Variants in ANKRD11 observed in about 807,000 individuals in gnomAD.
The protein encoded by ANKRD11 is ankyrin repeat domain-containing protein 11.
Under a neutral mutation model 195.7 loss-of-function variants are expected in ANKRD11, and 17 were observed. The ratio of observed to expected loss-of-function variants is 0.09; its 90% confidence interval spans 0.06 to 0.13. The LOEUF is 0.13. Ranked by LOEUF, ANKRD11 falls within the 10% of genes least tolerant of loss-of-function variation. The pLI is 1.00. For missense variants in ANKRD11, 3,735 were observed against 3,566.1 expected (o/e 1.05, Z -1.21); for synonymous variants, 1,953 against 1,528.1 (o/e 1.28, Z -6.49).
At chr16:89,452,594 T>C (rs2044128539) in intron 1 of ANKRD11, among the ~76,000 whole-genome samples, 3 of 151,796 alleles carry the variant, frequency 2.0e-5, no homozygotes, top group South Asian at 4.2e-4. Context: ...CTGGCCAACA[T>C]GGTGAAACCT....
At chr16:89,293,597 TG>T (rs2035215667) in intron 4 of ANKRD11, among the ~76,000 whole-genome samples, 1 of 108,354 alleles carries the variant, frequency 9.2e-6, no homozygotes, top group South Asian at 3.3e-4. Context: ...GGGGCAGAGT[TG>T]GGGCTGCGGA....
chr16:89,441,107 G>A (rs2043440651), intron 1 of ANKRD11, among the ~76,000 whole-genome samples: 1 of 151,582 alleles, frequency 6.6e-6, no homozygotes, highest in Non-Finnish European at 1.5e-5. Flanking sequence ...GTGGTGGTGG[G>A]CGCCTGTAGT....
At chr16:89,378,705 G>A (rs1055343730) in intron 2 of ANKRD11, among the ~76,000 whole-genome samples, 5 of 152,160 alleles carry the variant, frequency 3.3e-5, no homozygotes, top group East Asian at 1.9e-4. Flanking sequence ...TCAGCCTCCC[G>A]AGTAGCTGGG....
In ANKRD11 at chr16:89,288,514, G is replaced by A. The variant is rs371672819; in HGVS notation, c.744+14C>T. 2.2e-5 allele frequency: 35 copies of A among 1,613,918 alleles called. No homozygotes were observed. Among genetic ancestry groups the A allele is most frequent in the South Asian group, 6.6e-5 (6 of 91,078 alleles). The stretch of plus-strand genomic sequence containing the variant: ...AGGACAGGCCGGATGTGTGAAGAAC[G>A]GGGGGATGCCAACCTTGTAGTGCCC... On this transcript the variant is annotated intron_variant, in intron 7 of 12. Coordinates refer to ENST00000301030, the MANE Select transcript of ANKRD11 (RefSeq NM_013275.6).
chr16:89,451,562 A>C (rs1457918304), intron 1 of ANKRD11, among the ~76,000 whole-genome samples: 4 of 152,020 alleles, frequency 2.6e-5, no homozygotes, highest in African/African-American at 9.7e-5. Flanking sequence ...TACTAAAGGC[A>C]CATGCCATCA....
At chr16:89,302,913 C>T (rs1229750848) in intron 4 of ANKRD11, among the ~76,000 whole-genome samples, 3 of 152,170 alleles carry the variant, frequency 2.0e-5, no homozygotes, top group Non-Finnish European at 4.4e-5. Flanking sequence ...GAAAATATCC[C>T]AGAGACCCAC....
intron 2 of ANKRD11, among the ~76,000 whole-genome samples, chr16:89,318,777 G>A (rs1009821216): frequency 6.6e-5 from 10 of 152,202 alleles, no homozygotes; most frequent in Non-Finnish European, 1.3e-4. Flanking sequence ...CAAGAACACA[G>A]GTGAAGTTAT....
chr16:89,396,003 G>C (rs1199459198), intron 2 of ANKRD11: 2 of 152,228 alleles, frequency 1.3e-5, no homozygotes, highest in African/African-American at 4.8e-5. Context: ...TTCAGTCAAA[G>C]AATGACCGAC....
At chr16:89,450,117 T>C (rs1425499285) in intron 1 of ANKRD11, among the ~76,000 whole-genome samples, 1 of 152,236 alleles carries the variant, frequency 6.6e-6, no homozygotes, top group East Asian at 1.9e-4. Flanking sequence ...CTGCTCCAGC[T>C]GCAGGGAAGA....
chr16:89,446,986 T>C (rs2043822271), intron 1 of ANKRD11, among the ~76,000 whole-genome samples: 4 of 152,068 alleles, frequency 2.6e-5, no homozygotes, highest in African/African-American at 9.7e-5. Flanking sequence ...GCTTAAAGCC[T>C]GAATGAAGCA....
Position 89,442,857 on chromosome 16 carries a change from G to A in ANKRD11, c.-144-24489C>T, listed in dbSNP as rs561808595. 4.7e-4 allele frequency among the ~76,000 whole-genome samples: 72 copies of A among 152,186 alleles called. 2 individuals are homozygous for A. In the South Asian group the frequency reaches 0.011, roughly 23 times the overall value. ...GCTCCTGCCCCTTACAGCACAAGCC[G>A]GCCACCACCTCCCACGGGCCCTGAC... is the stretch of plus-strand genomic sequence containing the variant. On this transcript the variant is annotated intron_variant, in intron 1 of 12. Transcript: ENST00000301030.
At chr16:89,399,378 G>A (rs921138161) in intron 2 of ANKRD11, among the ~76,000 whole-genome samples, 2 of 152,188 alleles carry the variant, frequency 1.3e-5, no homozygotes, top group South Asian at 2.1e-4. Flanking sequence ...GACCATAGAC[G>A]CATGCTGCTG....
chr16:89,388,012 C>CA (rs753200517), intron 2 of ANKRD11, among the ~76,000 whole-genome samples: 9,245 of 93,850 alleles, frequency 0.099, 379 homozygotes, highest in Non-Finnish European at 0.14. Flanking sequence ...GACTCCATCT[C>CA]AAAAAAAAAA....
intron 2 of ANKRD11, among the ~76,000 whole-genome samples, chr16:89,409,118 C>A (rs1026714156): frequency 1.3e-5 from 2 of 152,162 alleles, no homozygotes; most frequent in Non-Finnish European, 2.9e-5. Flanking sequence ...AGCCCTGGGG[C>A]CAGGTATCAG....
At chr16:89,278,471 G>T (rs1037934819) in intron 9 of ANKRD11, 1 of 453,412 alleles carries the variant, frequency 2.2e-6, no homozygotes, top group Non-Finnish European at 4.4e-6. Flanking sequence ...GGGTGATTCC[G>T]AGATGTTTCA....
intron 2 of ANKRD11, among the ~76,000 whole-genome samples, chr16:89,340,661 T>C (rs1402713552): frequency 6.6e-6 from 1 of 152,216 alleles, no homozygotes; most frequent in Admixed American, 6.5e-5. Flanking sequence ...CATGATTACA[T>C]TCTACAAAAA....
intron 1 of ANKRD11, among the ~76,000 whole-genome samples, chr16:89,464,583 G>A (rs2056815999): frequency 6.7e-6 from 1 of 149,414 alleles, no homozygotes; most frequent in Non-Finnish European, 1.5e-5. Flanking sequence ...ACTCCAGCCT[G>A]GGCGACAGAG....
At chr16:89,359,895 T>G (rs1443845251) in intron 2 of ANKRD11, among the ~76,000 whole-genome samples, 2 of 152,164 alleles carry the variant, frequency 1.3e-5, no homozygotes. Context: ...ACATAGTTTA[T>G]ATGTTTTTTA....
At chr16:89,287,742 AC>A (rs2034746613) in intron 7 of ANKRD11, 1 of 167,712 alleles carries the variant, frequency 6.0e-6, no homozygotes, top group East Asian at 1.7e-4. Flanking sequence ...TCTTCAATCC[AC>A]CCCCCACCCC....
Sources: allele counts gnomAD v4.1 joint callset (sites outside exome capture counted in the v4.1 genomes callset), GRCh38; gene constraint gnomAD v4.1.1; transcripts MANE v1.5; gene names NCBI Gene and HGNC (gene_info 2026-07-23, HGNC 2026-07-21).